TAFA1: variants seen among roughly 807,000 people sequenced by gnomAD.
The protein encoded by TAFA1 is TAFA chemokine like family member 1.
Under a neutral mutation model 18.5 loss-of-function variants are expected in TAFA1, and 4 were observed. The ratio of observed to expected loss-of-function variants is 0.22; its 90% CI spans 0.11 to 0.49. The LOEUF is 0.49. TAFA1 is among the 20% of genes least tolerant of loss of function. The probability of loss-of-function intolerance (pLI) is 0.98; values close to 1 mark genes in which losing one functional copy is unlikely to be tolerated. For missense variants in TAFA1, 147 were observed against 169.0 expected (o/e 0.87, Z 0.72); for synonymous variants, 56 against 55.2 (o/e 1.01, Z -0.06).
At chr3:68,307,828 G>A (rs1258512340) in intron 2 of TAFA1, among the ~76,000 whole-genome samples, 1 of 152,130 alleles carries the variant, frequency 6.6e-6, no homozygotes, top group Non-Finnish European at 1.5e-5. Context: ...AAGGTGAGCT[G>A]AGGTCAGGAT....
chr3:68,383,181 T>TTCTG (rs1411916591), intron 2 of TAFA1, among the ~76,000 whole-genome samples: 1 of 151,962 alleles, frequency 6.6e-6, no homozygotes, highest in Non-Finnish European at 1.5e-5. Context: ...CTTTATTTCT[T>TTCTG]TCTGTTGTCT....
intron 2 of TAFA1, among the ~76,000 whole-genome samples, chr3:68,238,605 G>C (rs770381849): frequency 1.3e-5 from 2 of 152,130 alleles, no homozygotes; most frequent in Non-Finnish European, 2.9e-5. Context: ...TTAATCAAAA[G>C]CTGGCACAAA....
intron 2 of TAFA1, among the ~76,000 whole-genome samples, chr3:68,377,404 C>T (rs550119628): frequency 6.6e-6 from 1 of 152,184 alleles, no homozygotes; most frequent in Non-Finnish European, 1.5e-5. Context: ...AAAGGTCACT[C>T]TTACTATGCT....
intron 2 of TAFA1, among the ~76,000 whole-genome samples, chr3:68,320,870 G>A (rs2106705230): frequency 6.6e-6 from 1 of 152,270 alleles, no homozygotes; most frequent in Non-Finnish European, 1.5e-5. Context: ...CTTCTCCCCT[G>A]GTCTGCAGTC....
At chr3:68,436,432 G>A (rs2071269463) in intron 3 of TAFA1, among the ~76,000 whole-genome samples, 1 of 152,092 alleles carries the variant, frequency 6.6e-6, no homozygotes, top group Non-Finnish European at 1.5e-5. Flanking sequence ...GGAGAAACAG[G>A]ACAGAGAGGA....
chr3:68,369,617 C>G (rs192153909), intron 2 of TAFA1, among the ~76,000 whole-genome samples: 68 of 152,216 alleles, frequency 4.5e-4, no homozygotes, highest in African/African-American at 1.6e-3. Flanking sequence ...CGTTGTTTTC[C>G]CTTAGCCAAT....
chr3:68,529,038 G>A (rs1167597765), intron 3 of TAFA1, among the ~76,000 whole-genome samples: 1 of 151,376 alleles, frequency 6.6e-6, no homozygotes, highest in African/African-American at 2.4e-5. Flanking sequence ...TTGTTTCATT[G>A]TGTTTATTCA....
intron 2 of TAFA1, among the ~76,000 whole-genome samples, chr3:68,023,260 C>A (rs569249473): frequency 3.3e-5 from 5 of 152,112 alleles, no homozygotes; most frequent in Non-Finnish European, 7.4e-5. Flanking sequence ...CTTTCTTGCT[C>A]ACGCCACTGT....
In TAFA1 at chr3:68,477,354, C is replaced by G. The variant is rs372056725; in HGVS notation, c.259+59934C>G. ...CATTCAAGTAGATTCCAGCTTGGGA[C>G]TATTATAAATAGTGCTTTTAAAAAA... On this transcript the variant is annotated intron_variant, in intron 3 of 4. Coordinates refer to ENST00000478136, the MANE Select transcript of TAFA1 (RefSeq NM_213609.4). Among the ~76,000 whole-genome samples, 25 of 152,034 alleles carry G rather than the reference C, an allele frequency of 1.6e-4. No homozygotes were observed. The East Asian group carries it at 2.3e-3, about 14-fold the overall frequency.
At chr3:68,332,091 C>T (rs188284010) in intron 2 of TAFA1, among the ~76,000 whole-genome samples, 1,552 of 151,782 alleles carry the variant, frequency 0.01, 31 homozygotes, top group African/African-American at 0.036. Context: ...TCTCGATCTC[C>T]TGACCTCGTG....
At chr3:68,495,607 T>A (rs2072531747) in intron 3 of TAFA1, among the ~76,000 whole-genome samples, 1 of 152,070 alleles carries the variant, frequency 6.6e-6, no homozygotes, top group African/African-American at 2.4e-5. Context: ...ACAAGATGCG[T>A]GGATCAAGTT....
At chr3:68,167,418 A>C (rs1289736846) in intron 2 of TAFA1, among the ~76,000 whole-genome samples, 1 of 152,086 alleles carries the variant, frequency 6.6e-6, no homozygotes, top group African/African-American at 2.4e-5. Context: ...CTCTACTAAA[A>C]ATACAAAAAA....
At chr3:68,040,073 T>C (rs964480494) in intron 2 of TAFA1, among the ~76,000 whole-genome samples, 15 of 152,200 alleles carry the variant, frequency 9.9e-5, no homozygotes, top group Non-Finnish European at 5.9e-5. Context: ...CACCTTCTGA[T>C]AGGATATGGA....
intron 2 of TAFA1, among the ~76,000 whole-genome samples, chr3:68,151,984 A>C (rs1002955052): frequency 6.6e-6 from 1 of 152,204 alleles, no homozygotes; most frequent in Non-Finnish European, 1.5e-5. Flanking sequence ...GTTTTACTAC[A>C]TGATAGGCAC....
intron 3 of TAFA1, among the ~76,000 whole-genome samples, chr3:68,429,172 T>C (rs2071116338): frequency 6.6e-6 from 1 of 151,884 alleles, no homozygotes; most frequent in Admixed American, 6.6e-5. Flanking sequence ...CTCTTTTCTT[T>C]ACAAACCAGG....
chr3:68,161,648 A>G (rs1055585746), intron 2 of TAFA1, among the ~76,000 whole-genome samples: 3 of 152,214 alleles, frequency 2.0e-5, no homozygotes, highest in African/African-American at 7.2e-5. Flanking sequence ...ATGTTTGCTT[A>G]TATCATTTTG....
chr3:68,384,437 C>T (rs2070046074), intron 2 of TAFA1, among the ~76,000 whole-genome samples: 1 of 152,038 alleles, frequency 6.6e-6, no homozygotes, highest in Admixed American at 6.6e-5. Context: ...GAAAGCCATT[C>T]AGAGCAGGTT....
chr3:68,530,811 T>A (rs114869924), intron 3 of TAFA1, among the ~76,000 whole-genome samples: 1 of 152,306 alleles, frequency 6.6e-6, no homozygotes, highest in Non-Finnish European at 1.5e-5. Flanking sequence ...GAATTTTTTT[T>A]AAAGCTAACT....
intron 3 of TAFA1, among the ~76,000 whole-genome samples, chr3:68,481,324 G>T (rs2072233230): frequency 6.6e-6 from 1 of 152,140 alleles, no homozygotes; most frequent in African/African-American, 2.4e-5. Flanking sequence ...AATGGATTGG[G>T]GGTCTATAAA....
Sources: allele counts gnomAD v4.1 joint callset (sites outside exome capture counted in the v4.1 genomes callset), GRCh38; gene constraint gnomAD v4.1.1; transcripts MANE v1.5; gene names NCBI Gene and HGNC (gene_info 2026-07-23, HGNC 2026-07-21).